The following HERC2 variants were observed in gnomAD, a reference collection of about 807,000 sequenced individuals.
The protein encoded by HERC2 is E3 ubiquitin-protein ligase HERC2.
Under a neutral mutation model 537.7 loss-of-function variants are expected in HERC2, and 102 were observed. The ratio of observed to expected loss-of-function variants is 0.19; its 90% confidence interval spans 0.16 to 0.22. The LOEUF (loss-of-function observed/expected upper bound fraction) is 0.22, where lower values mean the gene tolerates loss of function less well. HERC2 is among the 10% of genes least tolerant of loss of function. The probability of loss-of-function intolerance (pLI) is 1.00; values close to 1 mark genes in which losing one functional copy is unlikely to be tolerated. For synonymous variants in HERC2, 2,224 were observed against 2,466.2 expected (o/e 0.90, Z 2.91); for missense variants, 4,236 against 6,198.2 (o/e 0.68, Z 10.63).
At chr15:28,191,394 A>C in intron 53 of HERC2, 150 bp from the exon 54 acceptor site, 1 of 620,822 alleles carries the variant, frequency 1.6e-6, no homozygotes, top group Non-Finnish European at 2.8e-6. Flanking sequence ...ACCTGGCAGC[A>C]ACAAGAATAT....
intron 37 of HERC2, 128 bp downstream of exon 37, chr15:28,220,324 C>T (rs1037032627): frequency 5.1e-5 from 43 of 839,876 alleles, no homozygotes; most frequent in African/African-American, 2.0e-4. Context: ...TTGCAGGCTC[C>T]GAGGACAGAG....
rs377331698 is a variant in HERC2, at chr15:28,233,264, T to C, written c.4557A>G (p.Glu1519=). 1 of 1,547,342 alleles carries C rather than the reference T, an allele frequency of 6.5e-7. No homozygotes were observed. Among genetic ancestry groups the C allele is most frequent in the Non-Finnish European group, 8.9e-7 (1 of 1,122,344 alleles). ...GGTCATTACAAACAGCAGGTCTCAA[T>C]TCATTAAAGAGGAATCTCAAACGTT... ...VIERLRFLFN[E]LRPAVCNDLS... The change falls in exon 30 of 93, where the codon GAA becomes GAG. Residue 1519 remains glutamate, a synonymous_variant. Coordinates refer to ENST00000261609, the MANE Select transcript of HERC2 (RefSeq NM_004667.6).
At chr15:28,263,317 C>T (rs1407051736) in intron 14 of HERC2, 148 bp from the exon 15 acceptor site, 2 of 765,768 alleles carry the variant, frequency 2.6e-6, no homozygotes, top group African/African-American at 1.8e-5. Flanking sequence ...ACTGAGCAAA[C>T]GAAATCTAGG....
intron 38 of HERC2, among the ~76,000 whole-genome samples, chr15:28,218,220 T>G (rs1382909642): frequency 6.6e-6 from 1 of 151,718 alleles, no homozygotes; most frequent in Non-Finnish European, 1.5e-5. Context: ...CGAGGAACGC[T>G]AAAGAGACCA....
chr15:28,137,849 G>A (rs1363552470), intron 78 of HERC2, among the ~76,000 whole-genome samples: 1 of 152,224 alleles, frequency 6.6e-6, no homozygotes, highest in Non-Finnish European at 1.5e-5. Context: ...AAGGCACACT[G>A]AAAGCCAAGA....
At chr15:28,274,835 A>T in intron 6 of HERC2, 70 bp downstream of exon 6, 3 of 1,224,248 alleles carry the variant, frequency 2.5e-6, no homozygotes, top group Non-Finnish European at 3.6e-6. Context: ...ATGGTGGCTG[A>T]ACCGAGTTCG....
chr15:28,318,618 A>G (rs1395182290), intron 2 of HERC2, among the ~76,000 whole-genome samples: 1 of 29,342 alleles, frequency 3.4e-5, no homozygotes, highest in Non-Finnish European at 1.2e-4. Flanking sequence ...GTCAGACTCC[A>G]TCTCAAAAAA....
chr15:28,260,383 A>T (rs1188422442), intron 16 of HERC2, among the ~76,000 whole-genome samples: 1 of 152,202 alleles, frequency 6.6e-6, no homozygotes, highest in African/African-American at 2.4e-5. Context: ...ATAATAAGGC[A>T]TCTACATAAA....
In HERC2 at chr15:28,177,147, GCT is replaced by G; in HGVS notation, c.9255-22_9255-21del. On this transcript the variant is annotated intron_variant, in intron 60 of 92. Transcript: ENST00000261609. The surrounding 1 kb of genome is among the most constrained non-coding windows in gnomAD (Gnocchi z 5.0). Reference sequence around the variant, plus strand: ...CAGTTCCTACAACAAGATGAAATCAGCTCTCTACAGTCAATCTGTCCCTTCTT... The same window carrying G: ...CAGTTCCTACAACAAGATGAAATCAGCTCTACAGTCAATCTGTCCCTTCTT... 6.2e-7 allele frequency: 1 copy of G among 1,601,302 alleles called. No homozygotes were observed. Among genetic ancestry groups the G allele is most frequent in the Non-Finnish European group, 8.5e-7 (1 of 1,171,356 alleles).
intron 3 of HERC2, among the ~76,000 whole-genome samples, chr15:28,298,005 TTGTGTGTGTGTG>T (rs373425948): frequency 6.9e-5 from 9 of 130,540 alleles, no homozygotes; most frequent in Non-Finnish European, 1.1e-4. Flanking sequence ...CTGTCAGTTA[TTGTGTGTGTGTG>T]TGTGTGTGTG....
At chr15:28,147,960 C>G (rs1488986251) in intron 70 of HERC2, among the ~76,000 whole-genome samples, 1 of 151,300 alleles carries the variant, frequency 6.6e-6, no homozygotes, top group Non-Finnish European at 1.5e-5. Flanking sequence ...CGGCTTGAGC[C>G]TGGGAGGTCG....
At chr15:28,208,189 T>A (rs968250355) in intron 44 of HERC2, among the ~76,000 whole-genome samples, 1 of 152,340 alleles carries the variant, frequency 6.6e-6, no homozygotes, top group Middle Eastern at 3.4e-3. Context: ...AAAATTAATT[T>A]CATAACATCC....
In HERC2 at chr15:28,168,585, G is replaced by T; in HGVS notation, c.10235C>A (p.Ala3412Asp). 1 of 1,613,364 alleles carries T rather than the reference G, an allele frequency of 6.2e-7. No individual in the cohort carries two copies. The highest frequency in any genetic ancestry group is 8.5e-7 in the Non-Finnish European group (1 of 1,179,620). ...GGCCGGCATCAGGGCCCCGACAACA[G>T]CATCTCTGTCAGGACACAAAGCCAG... ...TALQIMYARD[A>D]VVGALMPAAM... The change falls in exon 67 of 93, where the codon GCT becomes GAT. Residue 3412 changes from alanine to aspartate, a missense_variant. By Grantham distance (126) the Ala-to-Asp change is moderately radical. Around this residue, in one of 27 missense-constraint regions of HERC2, gnomAD observed 356 missense variants for 450.9 expected, o/e 0.79. Transcript: ENST00000261609.
At chr15:28,256,503 A>T (rs1377352072) in intron 17 of HERC2, among the ~76,000 whole-genome samples, 186 bp from the exon 18 acceptor site, 1 of 152,216 alleles carries the variant, frequency 6.6e-6, no homozygotes, top group Non-Finnish European at 1.5e-5. Context: ...TGCTAGAGGA[A>T]TCTTTTTAAC....
chr15:28,307,770 T>C (rs142954116), intron 2 of HERC2, among the ~76,000 whole-genome samples: 3,136 of 152,172 alleles, frequency 0.021, 44 homozygotes, highest in African/African-American at 0.071. Flanking sequence ...CTTCTGCATA[T>C]GAATATCAAG....
At chr15:28,201,635 T>G in intron 47 of HERC2, 81 bp from the exon 48 acceptor site, 1 of 893,734 alleles carries the variant, frequency 1.1e-6, no homozygotes, top group Admixed American at 2.1e-5. Flanking sequence ...CTGTGAAATC[T>G]ATAATATTAA....
In HERC2 at chr15:28,215,723, C is replaced by T. The variant is rs371090595; in HGVS notation, c.6108G>A (p.Thr2036=). The change falls in exon 39 of 93, where the codon ACG becomes ACA. Residue 2036 remains threonine, a synonymous_variant. Coordinates refer to ENST00000261609, the MANE Select transcript of HERC2 (RefSeq NM_004667.6). ...AGCTGAGGGCGCCGCATACCTGCGG[C>T]GTGAGAGCGATGCTCCGCACAAACC... ...TLGFVRSIAL[T]PQVCGALSSP... 9 of 1,611,912 alleles carry T rather than the reference C, an allele frequency of 5.6e-6. No individual in the cohort carries two copies. The highest frequency in any genetic ancestry group is 2.2e-5 in the South Asian group (2 of 90,996).
intron 72 of HERC2, 48 bp from the exon 73 acceptor site, chr15:28,144,283 C>T: frequency 6.3e-7 from 1 of 1,595,076 alleles, no homozygotes; most frequent in Non-Finnish European, 8.6e-7. Context: ...AGCTAGGTAC[C>T]ACCCCATAAG....
At chr15:28,117,955 A>G (rs904952047) in intron 86 of HERC2, 1 of 246,020 alleles carries the variant, frequency 4.1e-6, no homozygotes, top group Non-Finnish European at 8.0e-6. Flanking sequence ...TGAAGAAAAA[A>G]TGGTCCTGAG....
Sources: gnomAD v4.1 joint callset for allele counts (sites outside exome capture counted in the v4.1 genomes callset) on GRCh38, gnomAD v4.1.1 for gene constraint, gnomAD v4.1.1 regional missense constraint, Gnocchi (gnomAD v3.1) non-coding constraint, MANE v1.5 for transcripts, NCBI Gene and HGNC (gene_info 2026-07-23, HGNC 2026-07-21) for gene names.